RBPMS: variants seen among roughly 807,000 people sequenced by gnomAD.
The protein encoded by RBPMS is RNA-binding protein with multiple splicing.
In RBPMS, 7 loss-of-function variants were observed where a neutral mutation model predicts 26.8. That is an observed-to-expected ratio of 0.26 (90% CI 0.15 to 0.49). RBPMS has a LOEUF of 0.49. Ranked by LOEUF, RBPMS falls within the 20% of genes least tolerant of loss-of-function variation. The probability of loss-of-function intolerance (pLI) is 0.98; values close to 1 mark genes in which losing one functional copy is unlikely to be tolerated. For synonymous variants in RBPMS, 96 were observed against 93.3 expected (o/e 1.03, Z -0.17); for missense variants, 186 against 250.0 (o/e 0.74, Z 1.73).
At chr8:30,506,768 T>C (rs1306129201) in intron 5 of RBPMS, among the ~76,000 whole-genome samples, 3 of 152,224 alleles carry the variant, frequency 2.0e-5, no homozygotes, top group Non-Finnish European at 2.9e-5. Context: ...TGTTTTTATA[T>C]GGTAGTGGCT....
intron 6 of RBPMS, chr8:30,556,184 CGCCACCA>C: frequency 1.0e-6 from 1 of 985,420 alleles, no homozygotes; most frequent in Non-Finnish European, 1.2e-6. Context: ...GTCCGCCACC[CGCCACCA>C]CATCCACTCT....
intron 5 of RBPMS, among the ~76,000 whole-genome samples, chr8:30,534,128 CA>C (rs71937602): frequency 0.2 from 28,696 of 144,630 alleles, 3,017 homozygotes; most frequent in South Asian, 0.39. Flanking sequence ...ACGAGACTCT[CA>C]AAAAAAAAAA....
At chr8:30,556,098 G>A in intron 6 of RBPMS, 1 of 985,392 alleles carries the variant, frequency 1.0e-6, no homozygotes, top group Non-Finnish European at 1.2e-6. Flanking sequence ...TGGATGCGGT[G>A]AGAAGAGCCC....
At chr8:30,567,239 G>A (rs1311581151) in intron 8 of RBPMS, among the ~76,000 whole-genome samples, 2 of 152,142 alleles carry the variant, frequency 1.3e-5, no homozygotes, top group African/African-American at 2.4e-5. Flanking sequence ...AGGTGGGGTC[G>A]CATTTGAGGG....
At chr8:30,423,588 T>G (rs1277434300) in intron 1 of RBPMS, among the ~76,000 whole-genome samples, 1 of 152,010 alleles carries the variant, frequency 6.6e-6, no homozygotes, top group South Asian at 2.1e-4. Flanking sequence ...AGTTATTTAT[T>G]TCTGCTTGTG....
intron 1 of RBPMS, among the ~76,000 whole-genome samples, chr8:30,413,737 C>T (rs1475060367): frequency 1.3e-5 from 2 of 152,154 alleles, no homozygotes; most frequent in Admixed American, 6.5e-5. Flanking sequence ...CCTCAGCCTC[C>T]TGAGTAGCTG....
chr8:30,508,862 T>C (rs746184912), intron 5 of RBPMS, among the ~76,000 whole-genome samples: 66 of 152,194 alleles, frequency 4.3e-4, no homozygotes, highest in Non-Finnish European at 8.2e-4. Flanking sequence ...GTTTATACTC[T>C]TTGCAATATA....
chr8:30,489,525 A>G (rs1457148621), intron 4 of RBPMS, among the ~76,000 whole-genome samples: 1 of 151,732 alleles, frequency 6.6e-6, no homozygotes, highest in Non-Finnish European at 1.5e-5. Flanking sequence ...GCTCACTGCA[A>G]CCTCTGCCTC....
chr8:30,420,901 C>T (rs893127296), intron 1 of RBPMS, among the ~76,000 whole-genome samples: 4 of 152,022 alleles, frequency 2.6e-5, no homozygotes, highest in African/African-American at 7.2e-5. Context: ...TATCTAGGAA[C>T]AGTAGTTAGG....
At position 30,508,925 on chromosome 8, in the gene RBPMS, C is replaced by T. The variant is rs574893053; in HGVS notation, c.397+4489C>T. Among the ~76,000 whole-genome samples, 200 of 152,126 alleles carry T rather than the reference C, an allele frequency of 1.3e-3. 2 individuals carry two copies. Among genetic ancestry groups the T allele is most frequent in the South Asian group, 0.012 (59 of 4,816 alleles). ...GGAGGCATTCAACACTTAATAGAGC[C>T]TTTACTCAGTTTAGACAGATCCTGT... On this transcript the variant is annotated intron_variant, in intron 5 of 8. Coordinates refer to ENST00000397323, the MANE Select transcript of RBPMS (RefSeq NM_001008710.3).
Position 30,425,469 on chromosome 8 carries a change from T to G in RBPMS, c.66+40311T>G, listed in dbSNP as rs1381638664. On this transcript the variant is annotated intron_variant, in intron 1 of 8. Coordinates refer to ENST00000397323, the MANE Select transcript of RBPMS (RefSeq NM_001008710.3). ...AGGCTGGAGTGCAATGGCCTGATCT[T>G]GACTCACAACAACCTCCGCCTCCCT... is the stretch of plus-strand genomic sequence containing the variant. Among the ~76,000 whole-genome samples, 5 of 152,254 alleles carry G rather than the reference T, an allele frequency of 3.3e-5. No individual in the cohort carries two copies. The East Asian group carries it at 9.7e-4, about 29-fold the overall frequency.
chr8:30,433,664 T>A (rs1387223777), intron 1 of RBPMS, among the ~76,000 whole-genome samples: 1 of 152,022 alleles, frequency 6.6e-6, no homozygotes, highest in Non-Finnish European at 1.5e-5. Context: ...CAGAGTGAGA[T>A]CTTGTCTTAA....
intron 6 of RBPMS, among the ~76,000 whole-genome samples, chr8:30,557,270 A>T (rs997577003): frequency 6.6e-6 from 1 of 152,202 alleles, no homozygotes; most frequent in Non-Finnish European, 1.5e-5. Flanking sequence ...GCTCGTGAGG[A>T]GGCCCATGGG....
intron 5 of RBPMS, among the ~76,000 whole-genome samples, chr8:30,509,382 C>G (rs6468374): frequency 0.48 from 72,745 of 151,862 alleles, 17,528 homozygotes; most frequent in Middle Eastern, 0.58. Context: ...TGCCATGTCC[C>G]TGGAAGTTCC....
intron 1 of RBPMS, among the ~76,000 whole-genome samples, chr8:30,461,848 G>A (rs76192924): frequency 0.017 from 2,602 of 152,264 alleles, 61 homozygotes; most frequent in African/African-American, 0.058. Context: ...TTATATGTGT[G>A]TGTTCATGGA....
At chr8:30,408,702 A>AT (rs1361846926) in intron 1 of RBPMS, among the ~76,000 whole-genome samples, 1 of 152,210 alleles carries the variant, frequency 6.6e-6, no homozygotes, top group Admixed American at 6.5e-5. Context: ...ATGTTGAGAA[A>AT]TAACTCTCTC....
At chr8:30,558,819 G>C in intron 6 of RBPMS, 68 bp from the exon 7 acceptor site, 1 of 1,353,712 alleles carries the variant, frequency 7.4e-7, no homozygotes, top group Non-Finnish European at 1.1e-6. Flanking sequence ...TAGCCAAGCA[G>C]GACCCTCCGT....
chr8:30,418,589 T>C (rs1356801823), intron 1 of RBPMS, among the ~76,000 whole-genome samples: 1 of 152,090 alleles, frequency 6.6e-6, no homozygotes, highest in African/African-American at 2.4e-5. Flanking sequence ...TTATTATTAT[T>C]ATTTTTCGAG....
At chr8:30,507,623 T>C (rs1201914932) in intron 5 of RBPMS, among the ~76,000 whole-genome samples, 1 of 152,226 alleles carries the variant, frequency 6.6e-6, no homozygotes. Flanking sequence ...CTTTTATTTC[T>C]CTTCCTTGTA....
Sources: gnomAD v4.1 joint callset for allele counts (sites outside exome capture counted in the v4.1 genomes callset) on GRCh38, gnomAD v4.1.1 for gene constraint, MANE v1.5 for transcripts, NCBI Gene and HGNC (gene_info 2026-07-23, HGNC 2026-07-21) for gene names.